UBE2E2: variants seen among roughly 807,000 people sequenced by gnomAD.
The protein encoded by UBE2E2 is ubiquitin conjugating enzyme E2 E2.
A neutral mutation model predicts 24.7 loss-of-function variants in UBE2E2; 6 were observed. The ratio of observed to expected loss-of-function variants is 0.24; its 90% CI spans 0.13 to 0.48. UBE2E2 has a LOEUF of 0.48. Ranked by LOEUF, UBE2E2 falls within the 20% of genes least tolerant of loss-of-function variation. The pLI is 0.99. For synonymous variants in UBE2E2, 104 were observed against 83.6 expected, an observed-to-expected ratio of 1.24 and a Z score of -1.33; for missense variants, 169 against 245.0, an observed-to-expected ratio of 0.69 and a Z score of 2.07.
At chr3:23,219,942 A>G (rs1198437680) in intron 3 of UBE2E2, among the ~76,000 whole-genome samples, 1 of 152,132 alleles carries the variant, frequency 6.6e-6, no homozygotes, top group African/African-American at 2.4e-5. Flanking sequence ...AGACAACCCA[A>G]TACTGTGTGT....
rs183213114 is a variant in UBE2E2 at position 23,215,091 on chromosome 3, A to G, written c.177-2171A>G. ...TTATTGGTTGCCTTTATAGTCTAAA[A>G]ATATATATTTAAACTTCTGTTTCTT... On this transcript the variant is annotated intron_variant, in intron 2 of 5. Transcript: ENST00000396703. Among the ~76,000 whole-genome samples, 4 of 152,218 alleles carry G rather than the reference A, an allele frequency of 2.6e-5. No individual in the cohort carries two copies. The East Asian group carries it at 7.7e-4, about 29-fold the overall frequency.
chr3:23,482,106 G>A (rs1357404138), intron 3 of UBE2E2, among the ~76,000 whole-genome samples: 3 of 152,168 alleles, frequency 2.0e-5, no homozygotes, highest in African/African-American at 7.2e-5. Flanking sequence ...CTAAGCAATT[G>A]AGTAGTGAAC....
chr3:23,578,553 A>C (rs1696398122), intron 5 of UBE2E2, among the ~76,000 whole-genome samples: 1 of 152,222 alleles, frequency 6.6e-6, no homozygotes. Context: ...TATAGACTGG[A>C]TAAAGAAAAT....
chr3:23,350,786 A>G (rs1047133711), intron 3 of UBE2E2, among the ~76,000 whole-genome samples: 2 of 152,238 alleles, frequency 1.3e-5, no homozygotes, highest in Admixed American at 1.3e-4. Flanking sequence ...TGACGGGGAG[A>G]AAGGAACCAA....
chr3:23,215,561 T>C (rs935969694), intron 2 of UBE2E2, among the ~76,000 whole-genome samples: 1 of 152,182 alleles, frequency 6.6e-6, no homozygotes, highest in Admixed American at 6.5e-5. Context: ...GATTTCTGAT[T>C]ACTTCCCCCT....
chr3:23,267,642 AC>A (rs1235917308), intron 3 of UBE2E2, among the ~76,000 whole-genome samples: 2 of 152,102 alleles, frequency 1.3e-5, no homozygotes, highest in Non-Finnish European at 2.9e-5. Flanking sequence ...AGGAACTGGT[AC>A]CATTCCTTCT....
chr3:23,351,638 G>A (rs1342726648), intron 3 of UBE2E2, among the ~76,000 whole-genome samples: 5 of 152,046 alleles, frequency 3.3e-5, no homozygotes, highest in Non-Finnish European at 7.4e-5. Context: ...AGACAAAGAA[G>A]GCCATTACAT....
intron 3 of UBE2E2, among the ~76,000 whole-genome samples, chr3:23,468,951 G>A (rs1002481377): frequency 2.6e-5 from 4 of 152,298 alleles, no homozygotes; most frequent in African/African-American, 7.2e-5. Flanking sequence ...TGGATCTTAT[G>A]TGACCTCATT....
intron 3 of UBE2E2, among the ~76,000 whole-genome samples, chr3:23,435,767 G>A (rs576931159): frequency 1.6e-4 from 24 of 152,180 alleles, no homozygotes; most frequent in Non-Finnish European, 2.6e-4. Flanking sequence ...GGCCCCTTTG[G>A]TAAGGTGGAT....
At chr3:23,406,760 A>C (rs1479509114) in intron 3 of UBE2E2, among the ~76,000 whole-genome samples, 2 of 152,182 alleles carry the variant, frequency 1.3e-5, no homozygotes, top group East Asian at 3.9e-4. Flanking sequence ...TCTCCTGCCA[A>C]CATAAAGAAA....
intron 3 of UBE2E2, among the ~76,000 whole-genome samples, chr3:23,382,071 A>G (rs1031830455): frequency 6.6e-6 from 1 of 152,070 alleles, no homozygotes; most frequent in African/African-American, 2.4e-5. Flanking sequence ...AGAAGTTGTT[A>G]ATTTTACTTA....
chr3:23,499,522 C>T (rs1699674243), intron 3 of UBE2E2, 86 bp from the exon 4 acceptor site: 2 of 1,494,238 alleles, frequency 1.3e-6, no homozygotes, highest in Non-Finnish European at 1.8e-6. Flanking sequence ...TATGGAATTG[C>T]TCAATTGGTT....
intron 3 of UBE2E2, among the ~76,000 whole-genome samples, chr3:23,452,218 C>A (rs145726300): frequency 1.3e-5 from 2 of 152,160 alleles, no homozygotes. Context: ...TTCACACTTT[C>A]AACAGCACGA....
At chr3:23,296,160 T>C (rs1698902616) in intron 3 of UBE2E2, among the ~76,000 whole-genome samples, 2 of 152,188 alleles carry the variant, frequency 1.3e-5, no homozygotes, top group South Asian at 4.1e-4. Context: ...GACAGTTCTG[T>C]TTCCAGTTCA....
At chr3:23,354,889 A>G (rs904285281) in intron 3 of UBE2E2, among the ~76,000 whole-genome samples, 1 of 152,220 alleles carries the variant, frequency 6.6e-6, no homozygotes. Flanking sequence ...GTATATACCC[A>G]AAGAACTATA....
intron 3 of UBE2E2, among the ~76,000 whole-genome samples, chr3:23,433,496 C>G (rs1480463945): frequency 1.3e-5 from 2 of 151,906 alleles, no homozygotes; most frequent in Non-Finnish European, 2.9e-5. Context: ...ATGGTTGGCA[C>G]TATGAATTGG....
Position 23,219,635 on chromosome 3 carries a change from CCTTTA to C in UBE2E2, c.227+2327_227+2331del, listed in dbSNP as rs1309535032. Among the ~76,000 whole-genome samples the C allele has an allele frequency of 3.3e-5, 5 of 152,236 alleles. No homozygotes were observed. The East Asian group carries it at 7.7e-4, about 23-fold the overall frequency. On this transcript the variant is annotated intron_variant, in intron 3 of 5. Coordinates refer to ENST00000396703, the MANE Select transcript of UBE2E2 (RefSeq NM_152653.4). ...TTATCTGCCTAATAGAAGTCAGAGT[CCTTTA>C]CTTAATCAGTTAAGTCATATCTCAT... is the stretch of plus-strand genomic sequence containing the variant.
chr3:23,439,117 G>A (rs1698242007), intron 3 of UBE2E2, among the ~76,000 whole-genome samples: 1 of 152,196 alleles, frequency 6.6e-6, no homozygotes, highest in Non-Finnish European at 1.5e-5. Context: ...TAAATAAGTT[G>A]ATTCAAAGAA....
intron 3 of UBE2E2, among the ~76,000 whole-genome samples, chr3:23,402,149 C>T (rs555873887): frequency 1.0e-3 from 156 of 152,164 alleles, no homozygotes; most frequent in Non-Finnish European, 1.8e-3. Context: ...CCACCGCGCC[C>T]GACCCCAATC....
Sources: allele counts gnomAD v4.1 joint callset (sites outside exome capture counted in the v4.1 genomes callset), GRCh38; gene constraint gnomAD v4.1.1; transcripts MANE v1.5; gene names NCBI Gene and HGNC (gene_info 2026-07-23, HGNC 2026-07-21).